The following CNOT10 variants were observed in gnomAD, a reference collection of about 807,000 sequenced individuals.
CNOT10 encodes CCR4-NOT transcription complex, subunit 10.
A neutral mutation model predicts 94.6 loss-of-function variants in CNOT10; 30 were observed. The observed-to-expected ratio is 0.32, with a 90% CI of 0.24 to 0.43. The LOEUF is 0.43. Ranked by LOEUF, CNOT10 falls within the 20% of genes least tolerant of loss-of-function variation. CNOT10 has a pLI of 1.00. For missense variants in CNOT10, 759 were observed against 877.2 expected (o/e 0.87, Z 1.70); for synonymous variants, 289 against 301.6 (o/e 0.96, Z 0.43).
At position 32,685,370 on chromosome 3, in the gene CNOT10, T is replaced by C; in HGVS notation, c.-91T>C. On this transcript the variant is annotated 5_prime_UTR_variant, in exon 1 of 19. Transcript: ENST00000328834. ...GCCCGGAGCCGGGGTAGGCACAGAG[T>C]TGTCCTCGGAGGTCCAGGACAGCGG... is the stretch of plus-strand genomic sequence containing the variant. 3 of 1,454,246 alleles carry C rather than the reference T, an allele frequency of 2.1e-6. No individual in the cohort carries two copies. Among genetic ancestry groups the C allele is most frequent in the Non-Finnish European group, 2.8e-6 (3 of 1,060,886 alleles). The allele number at this position is 1,454,246 out of a possible 1,614,324, so 90.1% of individuals were successfully genotyped here.
intron 13 of CNOT10, among the ~76,000 whole-genome samples, chr3:32,741,067 C>G (rs753768671): frequency 6.6e-5 from 10 of 152,046 alleles, no homozygotes; most frequent in Non-Finnish European, 1.5e-4. Context: ...ATACCCACTT[C>G]CACTCCTGCT....
intron 13 of CNOT10, among the ~76,000 whole-genome samples, chr3:32,752,632 T>C (rs1700013241): frequency 6.6e-6 from 1 of 152,230 alleles, no homozygotes; most frequent in African/African-American, 2.4e-5. Flanking sequence ...GCAAAATGTT[T>C]ACAGAAGATA....
chr3:32,772,176 C>T (rs1187201811), intron 18 of CNOT10, among the ~76,000 whole-genome samples: 1 of 152,104 alleles, frequency 6.6e-6, no homozygotes, highest in African/African-American at 2.4e-5. Context: ...TGGTGAAACC[C>T]TGTCTCTACT....
chr3:32,745,473 A>AAC (rs1553636248), intron 13 of CNOT10, among the ~76,000 whole-genome samples: 1 of 152,104 alleles, frequency 6.6e-6, no homozygotes, highest in African/African-American at 2.4e-5. Context: ...TTAAGGATTG[A>AAC]ATAAACATTC....
rs190983855 is a variant in CNOT10 at position 32,752,154 on chromosome 3, G to A, written c.1596-7304G>A. 5.3e-5 allele frequency among the ~76,000 whole-genome samples: 8 copies of A among 152,158 alleles called. 1 individual carries two copies. The highest frequency in any genetic ancestry group is 5.2e-4 in the Admixed American group (8 of 15,258). ...AAATACAAAATTAGCCAGGAGTGGT[G>A]GTGCATGCCATTAATCCCAGCTAGT... On this transcript the variant is annotated intron_variant, in intron 13 of 18. Coordinates refer to ENST00000328834, the MANE Select transcript of CNOT10 (RefSeq NM_015442.3).
At chr3:32,726,627 C>T (rs1250333738) in intron 9 of CNOT10, among the ~76,000 whole-genome samples, 4 of 150,896 alleles carry the variant, frequency 2.7e-5, no homozygotes, top group African/African-American at 4.9e-5. Flanking sequence ...ACCCAGGAGG[C>T]GGAGCTTGCC....
intron 13 of CNOT10, among the ~76,000 whole-genome samples, chr3:32,754,481 A>ATAT (rs1233480839): frequency 3.1e-5 from 1 of 32,714 alleles, no homozygotes; most frequent in African/African-American, 1.1e-4. Flanking sequence ...CGTCTCAAAA[A>ATAT]AAAAAAAAAT....
intron 8 of CNOT10, among the ~76,000 whole-genome samples, chr3:32,724,797 G>A (rs112091648): frequency 0.039 from 5,947 of 151,698 alleles, 183 homozygotes; most frequent in African/African-American, 0.079. Flanking sequence ...GACCTCAAGT[G>A]ATCCACCCGC....
At chr3:32,693,899 T>A (rs1325537928) in intron 1 of CNOT10, among the ~76,000 whole-genome samples, 1 of 152,204 alleles carries the variant, frequency 6.6e-6, no homozygotes, top group Non-Finnish European at 1.5e-5. Context: ...TATTGATTTA[T>A]ACTTGTGAAT....
chr3:32,766,536 G>A (rs11928861), intron 17 of CNOT10, among the ~76,000 whole-genome samples: 10 of 13,248 alleles, frequency 7.5e-4, no homozygotes, highest in South Asian at 2.1e-3. Flanking sequence ...GGGCGGCTGA[G>A]GCAGGAGAAT....
At chr3:32,751,431 G>T (rs1699961680) in intron 13 of CNOT10, among the ~76,000 whole-genome samples, 1 of 152,112 alleles carries the variant, frequency 6.6e-6, no homozygotes, top group African/African-American at 2.4e-5. Flanking sequence ...AATTTAATTG[G>T]TCATTTCTAA....
intron 1 of CNOT10, among the ~76,000 whole-genome samples, chr3:32,698,500 T>C (rs1697182289): frequency 6.6e-6 from 1 of 152,238 alleles, no homozygotes; most frequent in South Asian, 2.1e-4. Context: ...TTACTGTTAA[T>C]TTTTATGTTT....
At chr3:32,715,886 G>A (rs934564173) in intron 5 of CNOT10, 1 of 177,574 alleles carries the variant, frequency 5.6e-6, no homozygotes, top group African/African-American at 2.4e-5. Flanking sequence ...CCTCACTGCA[G>A]CCTTGATCTC....
intron 13 of CNOT10, among the ~76,000 whole-genome samples, chr3:32,740,297 A>C (rs1013431361): frequency 6.6e-6 from 1 of 151,736 alleles, no homozygotes; most frequent in Non-Finnish European, 1.5e-5. Flanking sequence ...CATCTCTACT[A>C]AAAATACAAA....
chr3:32,773,375 C>G, intron 18 of CNOT10, 82 bp from the exon 19 acceptor site: 1 of 1,410,386 alleles, frequency 7.1e-7, no homozygotes, highest in Admixed American at 2.1e-5. Context: ...TCTTTTACCT[C>G]CCCAGCAGGA....
In CNOT10 at chr3:32,760,493, A is replaced by C. The variant is rs908097334; in HGVS notation, c.1709+922A>C. Among the ~76,000 whole-genome samples, 5 of 152,080 alleles carry C rather than the reference A, an allele frequency of 3.3e-5. No individual in the cohort carries two copies. The South Asian group carries it at 1.0e-3, about 32-fold the overall frequency. Reference sequence around the variant, plus strand: ...CTAAAAATACAAAAATTAGCCAGGCATGGTGGCAGGCATCCATAATTCCAG... The same window carrying C: ...CTAAAAATACAAAAATTAGCCAGGCCTGGTGGCAGGCATCCATAATTCCAG... On this transcript the variant is annotated intron_variant, in intron 14 of 18. Transcript: ENST00000328834.
chr3:32,711,961 TG>T, intron 4 of CNOT10, among the ~76,000 whole-genome samples: 1 of 152,222 alleles, frequency 6.6e-6, no homozygotes, highest in South Asian at 2.1e-4. Context: ...TAAAGGCTTT[TG>T]AAATTTTCTC....
At chr3:32,709,920 G>A (rs764775492) in intron 4 of CNOT10, among the ~76,000 whole-genome samples, 2 of 152,126 alleles carry the variant, frequency 1.3e-5, no homozygotes, top group African/African-American at 2.4e-5. Flanking sequence ...GTTGAGGTGA[G>A]CAGATCATCT....
intron 13 of CNOT10, among the ~76,000 whole-genome samples, chr3:32,754,110 A>AG (rs1357488181): frequency 6.6e-6 from 1 of 151,682 alleles, no homozygotes; most frequent in African/African-American, 2.4e-5. Flanking sequence ...CTCAAAAAAA[A>AG]GTTGAAGGTT....
Sources: gnomAD v4.1 joint callset for allele counts (sites outside exome capture counted in the v4.1 genomes callset) on GRCh38, gnomAD v4.1.1 for gene constraint, MANE v1.5 for transcripts, NCBI Gene and HGNC (gene_info 2026-07-23, HGNC 2026-07-21) for gene names.